Variants in DNAH12 observed in about 807,000 individuals in gnomAD.
The protein encoded by DNAH12 is axonemal beta dynein heavy chain 12.
Under a neutral mutation model 371.5 loss-of-function variants are expected in DNAH12, and 285 were observed. That is an observed-to-expected ratio of 0.77 (90% confidence interval 0.70 to 0.85). The LOEUF is 0.85. Ranked by LOEUF, DNAH12 falls within the 40% of genes least tolerant of loss-of-function variation. DNAH12 has a pLI of 0.00. For synonymous variants in DNAH12, 1,200 were observed against 1,213.0 expected (o/e 0.99, Z 0.22); for missense variants, 3,611 against 3,689.4 (o/e 0.98, Z 0.55).
chr3:57,451,007 T>A (rs2065740966), intron 25 of DNAH12, among the ~76,000 whole-genome samples: 2 of 152,214 alleles, frequency 1.3e-5, no homozygotes. Flanking sequence ...TGCTTTGAAG[T>A]GGAATAATTC....
chr3:57,403,220 A>C (rs2063924068), intron 43 of DNAH12, 89 bp downstream of exon 43: 1 of 1,269,962 alleles, frequency 7.9e-7, no homozygotes, highest in Admixed American at 2.8e-5. Flanking sequence ...ACTGGAGTTC[A>C]GTACACAGCT....
At chr3:57,337,938 C>T (rs558516389) in intron 60 of DNAH12, among the ~76,000 whole-genome samples, 1 of 152,340 alleles carries the variant, frequency 6.6e-6, no homozygotes, top group South Asian at 2.1e-4. Context: ...TTCATCAGCA[C>T]ATAAAACATT....
chr3:57,407,826 T>G (rs1443429897), intron 40 of DNAH12, among the ~76,000 whole-genome samples: 4 of 152,162 alleles, frequency 2.6e-5, no homozygotes, highest in Non-Finnish European at 4.4e-5. Flanking sequence ...TACTTATAAA[T>G]TATGTGGTCT....
intron 39 of DNAH12, among the ~76,000 whole-genome samples, chr3:57,410,389 A>G (rs1553682614): frequency 1.3e-5 from 2 of 152,154 alleles, no homozygotes; most frequent in African/African-American, 4.8e-5. Flanking sequence ...GAATTGACCT[A>G]CATAAGAAGA....
chr3:57,509,097 T>A, intron 6 of DNAH12, 43 bp downstream of exon 6: 1 of 1,516,174 alleles, frequency 6.6e-7, no homozygotes, highest in Non-Finnish European at 9.1e-7. Flanking sequence ...TTTATCTATA[T>A]CAAAAATTGG....
chr3:57,534,670 G>A (rs753964703), intron 2 of DNAH12, among the ~76,000 whole-genome samples: 44 of 151,798 alleles, frequency 2.9e-4, no homozygotes, highest in Admixed American at 2.0e-3. Context: ...CACCATGCCC[G>A]GCTAATTTTT....
intron 62 of DNAH12, among the ~76,000 whole-genome samples, chr3:57,332,890 G>C (rs566134433): frequency 6.6e-6 from 1 of 152,202 alleles, no homozygotes; most frequent in African/African-American, 2.4e-5. Flanking sequence ...CCAGACGGGT[G>C]GCACTTTGGT....
At chr3:57,468,397 C>A (rs1575643336) in intron 17 of DNAH12, among the ~76,000 whole-genome samples, 1 of 152,054 alleles carries the variant, frequency 6.6e-6, no homozygotes. Flanking sequence ...CCAAGGTGGA[C>A]AGACTGCTTG....
chr3:57,501,036 G>A (rs111448655), intron 11 of DNAH12, among the ~76,000 whole-genome samples: 1,629 of 152,214 alleles, frequency 0.011, 19 homozygotes, highest in African/African-American at 0.037. Flanking sequence ...TTGCCTTGGC[G>A]TCTCAAAGTG....
At chr3:57,448,177 A>T (rs1354203041) in intron 25 of DNAH12, among the ~76,000 whole-genome samples, 2 of 152,184 alleles carry the variant, frequency 1.3e-5, no homozygotes, top group East Asian at 3.8e-4. Flanking sequence ...CGGACCCTCG[A>T]GGTGAGTCTT....
Position 57,483,447 on chromosome 3 carries a change from T to A in DNAH12, c.1579A>T (p.Met527Leu). The A allele has an allele frequency of 6.4e-7, 1 of 1,551,474 alleles. No homozygotes were observed. Among genetic ancestry groups the A allele is most frequent in the East Asian group, 2.4e-5 (1 of 40,884 alleles). ...ALKVPETTEEMMDLISYVEKA... is the reference protein window; with the variant it reads ...ALKVPETTEELMDLISYVEKA... Reference sequence around the variant, plus strand: ...TCTACATAAGATATCAGATCCATCATCTCTTCTGTTGTTTCAGGGACTTTT... The same window carrying A: ...TCTACATAAGATATCAGATCCATCAACTCTTCTGTTGTTTCAGGGACTTTT... Residue 527 changes from methionine to leucine, a missense_variant, in exon 13 of 74, where the codon ATG becomes TTG. Physicochemically the swap from Met to Leu is conservative, Grantham distance 15. Coordinates refer to ENST00000495027, the MANE Select transcript of DNAH12 (RefSeq NM_001366028.2).
In DNAH12 at chr3:57,470,500, A is replaced by G; in HGVS notation, c.2048T>C (p.Ile683Thr). The part of the protein sequence containing the change: ...YPELDKLKVN[I>T]EPYQKFFNFV... ...ATTAAAAAACTTCTGATAGGGCTCA[A>G]TGTTAACTTTTAATTTATCCAGTTC... Residue 683 changes from isoleucine (I) to threonine (T), a missense_variant, in exon 16 of 74, where the codon ATT (isoleucine) becomes ACT (threonine). This residue lies in a region of DNAH12 where 1,314 missense variants were observed against 1,398.7 expected (regional missense o/e 0.94). Coordinates refer to ENST00000495027, the MANE Select transcript of DNAH12 (RefSeq NM_001366028.2). The G allele has an allele frequency of 1.3e-6, 2 of 1,548,238 alleles. No individual in the cohort carries two copies. The highest frequency in any genetic ancestry group is 2.5e-5 in the East Asian group (1 of 40,788).
intron 30 of DNAH12, among the ~76,000 whole-genome samples, chr3:57,434,097 A>G (rs6786818): frequency 0.42 from 63,742 of 152,058 alleles, 15,026 homozygotes; most frequent in South Asian, 0.57. Context: ...TACTCTTAAA[A>G]AAACTAAACC....
chr3:57,549,391 C>A, the DNAH12 span, among the ~76,000 whole-genome samples: 1 of 150,936 alleles, frequency 6.6e-6, no homozygotes, highest in Non-Finnish European at 1.5e-5. Flanking sequence ...GTGGTGCGCG[C>A]CTGTAGTCCC....
chr3:57,536,581 T>G (rs562205060), intron 2 of DNAH12, among the ~76,000 whole-genome samples: 2 of 152,314 alleles, frequency 1.3e-5, no homozygotes, highest in South Asian at 4.1e-4. Context: ...TGCCTGGATA[T>G]CCTCCTCCTT....
intron 60 of DNAH12, among the ~76,000 whole-genome samples, chr3:57,349,129 A>G (rs2062612083): frequency 6.6e-6 from 1 of 152,146 alleles, no homozygotes; most frequent in African/African-American, 2.4e-5. Flanking sequence ...AATTAGCAAG[A>G]AAAAAAGCCA....
chr3:57,544,438 G>A (rs1027545276), upstream of DNAH12: 3 of 152,230 alleles, frequency 2.0e-5, no homozygotes, highest in Non-Finnish European at 4.4e-5. Context: ...AGAGGCAGTT[G>A]CCAAGCTGCA....
intron 49 of DNAH12, among the ~76,000 whole-genome samples, chr3:57,384,571 G>A (rs1221656482): frequency 6.6e-6 from 1 of 152,134 alleles, no homozygotes; most frequent in Non-Finnish European, 1.5e-5. Flanking sequence ...TTGAGCCCAG[G>A]AGATGGAGGC....
chr3:57,456,011 T>C (rs563791037), intron 22 of DNAH12, among the ~76,000 whole-genome samples: 36 of 152,296 alleles, frequency 2.4e-4, no homozygotes, highest in African/African-American at 8.4e-4. Flanking sequence ...ATCTTAGATA[T>C]AAGAAAGTTA....
Sources: gnomAD v4.1 joint callset for allele counts (sites outside exome capture counted in the v4.1 genomes callset) on GRCh38, gnomAD v4.1.1 for gene constraint, gnomAD v4.1.1 regional missense constraint, MANE v1.5 for transcripts, NCBI Gene and HGNC (gene_info 2026-07-23, HGNC 2026-07-21) for gene names.